Variants in TMTC2 observed in about 807,000 individuals in gnomAD.
TMTC2 encodes the protein transmembrane O-mannosyltransferase targeting cadherins 2, also known as protein O-mannosyl-transferase TMTC2.
In TMTC2, 43 loss-of-function variants were observed where a neutral mutation model predicts 82.4. That is an observed-to-expected ratio of 0.52 (90% confidence interval 0.41 to 0.67). The LOEUF (loss-of-function observed/expected upper bound fraction) is 0.67. Ranked by LOEUF, TMTC2 falls within the 30% of genes least tolerant of loss-of-function variation. The pLI is 0.00. For missense variants in TMTC2, 919 were observed against 1,012.4 expected (o/e 0.91, Z 1.25); for synonymous variants, 408 against 381.9 (o/e 1.07, Z -0.80).
intron 11 of TMTC2, among the ~76,000 whole-genome samples, chr12:83,102,521 A>G (rs1024303935): frequency 6.6e-6 from 1 of 152,216 alleles, no homozygotes; most frequent in African/African-American, 2.4e-5. Flanking sequence ...AAAATGCAAA[A>G]CAGTCATGCA....
chr12:82,891,199 C>G (rs934566956), intron 2 of TMTC2, among the ~76,000 whole-genome samples: 4 of 152,190 alleles, frequency 2.6e-5, no homozygotes, highest in African/African-American at 9.6e-5. Flanking sequence ...AAAACCATTT[C>G]CATGCTTTCT....
chr12:82,835,556 T>A (rs550079588), intron 1 of TMTC2, among the ~76,000 whole-genome samples: 2 of 152,226 alleles, frequency 1.3e-5, no homozygotes, highest in South Asian at 4.1e-4. Flanking sequence ...TCTTTCAGGA[T>A]CTTTTTGGAT....
At chr12:82,752,349 G>C (rs1195369285) in intron 1 of TMTC2, among the ~76,000 whole-genome samples, 1 of 151,984 alleles carries the variant, frequency 6.6e-6, no homozygotes. Context: ...CGCCAGGTCT[G>C]GTGGCTGGCG....
chr12:82,690,720 A>G (rs1052678076), intron 1 of TMTC2, among the ~76,000 whole-genome samples: 3 of 152,160 alleles, frequency 2.0e-5, no homozygotes, highest in African/African-American at 4.8e-5. Context: ...CTTGCTTTCA[A>G]TCTAGTATTG....
At chr12:82,757,254 C>T (rs1401808420) in intron 1 of TMTC2, among the ~76,000 whole-genome samples, 1 of 152,158 alleles carries the variant, frequency 6.6e-6, no homozygotes, top group Non-Finnish European at 1.5e-5. Context: ...AAGCATTCCT[C>T]TGTTATTTGT....
intron 9 of TMTC2, among the ~76,000 whole-genome samples, chr12:83,039,945 T>C (rs944934222): frequency 1.3e-5 from 2 of 152,216 alleles, no homozygotes; most frequent in Admixed American, 1.3e-4. Context: ...TCCAGAGTTA[T>C]GAAAATTTGC....
chr12:82,922,798 C>A (rs985171658), intron 3 of TMTC2, among the ~76,000 whole-genome samples: 1 of 151,358 alleles, frequency 6.6e-6, no homozygotes, highest in Admixed American at 6.6e-5. Flanking sequence ...TTTTTAAATT[C>A]TCTGTAGGCT....
At chr12:82,899,557 A>AAT (rs986939648) in intron 3 of TMTC2, among the ~76,000 whole-genome samples, 9 of 140,844 alleles carry the variant, frequency 6.4e-5, no homozygotes, top group East Asian at 2.0e-4. Context: ...TATATATAAG[A>AAT]ATATATATAT....
chr12:82,848,636 T>A (rs1870812597), intron 1 of TMTC2, among the ~76,000 whole-genome samples: 1 of 152,166 alleles, frequency 6.6e-6, no homozygotes, highest in Non-Finnish European at 1.5e-5. Context: ...TCCATTTTAT[T>A]GGGCAATGAT....
intron 11 of TMTC2, among the ~76,000 whole-genome samples, chr12:83,127,449 G>A (rs1885129857): frequency 1.3e-5 from 2 of 151,880 alleles, no homozygotes; most frequent in Non-Finnish European, 2.9e-5. Flanking sequence ...TGGGATACAA[G>A]AGAGCCCAAC....
At chr12:82,844,626 C>T (rs557606864) in intron 1 of TMTC2, among the ~76,000 whole-genome samples, 1 of 151,756 alleles carries the variant, frequency 6.6e-6, no homozygotes, top group South Asian at 2.1e-4. Context: ...ACAGAGGAAC[C>T]CCGTCTCTAC....
chr12:82,706,629 TG>T (rs2136906593), intron 1 of TMTC2, among the ~76,000 whole-genome samples: 1 of 152,264 alleles, frequency 6.6e-6, no homozygotes, highest in East Asian at 1.9e-4. Context: ...GTATTGCCAG[TG>T]GTGATTAGTA....
intron 1 of TMTC2, among the ~76,000 whole-genome samples, chr12:82,821,769 GA>G (rs1283625617): frequency 6.6e-6 from 1 of 151,892 alleles, no homozygotes; most frequent in African/African-American, 2.4e-5. Context: ...AGCTACTCGG[GA>G]GGCTGAGGCA....
intron 11 of TMTC2, among the ~76,000 whole-genome samples, chr12:83,131,563 T>G (rs1885256446): frequency 6.6e-6 from 1 of 152,220 alleles, no homozygotes; most frequent in South Asian, 2.1e-4. Context: ...TATTTGGATT[T>G]TTTACTTCAC....
chr12:82,765,232 C>T (rs1359828019), intron 1 of TMTC2, among the ~76,000 whole-genome samples: 1 of 152,130 alleles, frequency 6.6e-6, no homozygotes, highest in Non-Finnish European at 1.5e-5. Context: ...ATTTAATTTC[C>T]TTTCATATTT....
At chr12:83,107,104 T>A (rs1436073395) in intron 11 of TMTC2, among the ~76,000 whole-genome samples, 1 of 152,266 alleles carries the variant, frequency 6.6e-6, no homozygotes, top group Non-Finnish European at 1.5e-5. Context: ...ACTGAGGATG[T>A]ATGGCTCAGG....
At position 83,132,273 on chromosome 12, in the gene TMTC2, G is replaced by C. The variant is rs573420920; in HGVS notation, c.2395G>C (p.Glu799Gln). The change falls in exon 12 of 12, where the codon GAG becomes CAG. Residue 799 changes from glutamate to glutamine, a missense_variant. Transcript: ENST00000321196. The part of the protein sequence containing the change: ...LHLNGRLQKA[E>Q]ANYLRALQLK... ...CCTCAATGGCAGACTCCAGAAGGCC[G>C]AGGCCAACTACCTGCGGGCCCTGCA... 1.2e-6 allele frequency: 2 copies of C among 1,613,788 alleles called. No homozygotes were observed. Among genetic ancestry groups the C allele is most frequent in the Non-Finnish European group, 1.7e-6 (2 of 1,179,944 alleles).
intron 1 of TMTC2, among the ~76,000 whole-genome samples, chr12:82,804,466 G>T (rs1225930496): frequency 1.3e-5 from 2 of 152,064 alleles, no homozygotes; most frequent in Admixed American, 1.3e-4. Flanking sequence ...TAATGGAAGA[G>T]GTGTTACTTC....
intron 10 of TMTC2, among the ~76,000 whole-genome samples, chr12:83,057,649 G>A (rs886542824): frequency 2.6e-5 from 4 of 151,654 alleles, no homozygotes; most frequent in Admixed American, 6.6e-5. Flanking sequence ...TCAGAGCCTG[G>A]CAAGAATCCA....
Sources: gnomAD v4.1 joint callset for allele counts (sites outside exome capture counted in the v4.1 genomes callset) on GRCh38, gnomAD v4.1.1 for gene constraint, MANE v1.5 for transcripts, NCBI Gene and HGNC (gene_info 2026-07-23, HGNC 2026-07-21) for gene names.